DCAF11: variants seen among roughly 807,000 people sequenced by gnomAD.
DCAF11 encodes the protein DDB1- and CUL4-associated factor 11.
A neutral mutation model predicts 76.1 loss-of-function variants in DCAF11; 44 were observed. The ratio of observed to expected loss-of-function variants is 0.58; its 90% CI spans 0.45 to 0.74. The LOEUF (loss-of-function observed/expected upper bound fraction) is 0.74. Among genes scored for constraint, DCAF11 ranks in the 30% least tolerant of loss-of-function variants. The probability of loss-of-function intolerance (pLI) is 0.00; values close to 1 mark genes in which losing one functional copy is unlikely to be tolerated. For missense variants in DCAF11, 604 were observed against 709.4 expected (o/e 0.85, Z 1.69); for synonymous variants, 258 against 255.0 (o/e 1.01, Z -0.11).
chr14:24,125,172 A>G lies in DCAF11; in HGVS notation c.*1863A>G, dbSNP rs1328871131. On this transcript the variant is annotated 3_prime_UTR_variant, in exon 15 of 15. Transcript: ENST00000446197. ...GCTGCGGTGAGCCGTGATTGTGCCA[A>G]TGTACTCCAGCCTAGGTGACAGAGT... 3 of 152,172 alleles carry G rather than the reference A, an allele frequency of 2.0e-5. No individual in the cohort carries two copies. Among genetic ancestry groups the G allele is most frequent in the Admixed American group, 1.3e-4 (2 of 15,264 alleles). The allele number at this position is 152,172 out of a possible 1,614,324, so 9.4% of individuals were successfully genotyped here. A position where few individuals can be genotyped will look rare whatever the true frequency, so the allele number is the denominator to read the frequency against.
intron 13 of DCAF11, among the ~76,000 whole-genome samples, chr14:24,122,501 A>AG (rs1450858041): frequency 1.3e-5 from 2 of 151,642 alleles, no homozygotes; most frequent in South Asian, 4.2e-4. Flanking sequence ...AAAAAAAAAA[A>AG]AAAAAGAAAA....
At position 24,115,654 on chromosome 14, in the gene DCAF11, G is replaced by A. The variant is rs200354405; in HGVS notation, c.60G>A (p.Leu20=). 60 of 1,614,064 alleles carry A rather than the reference G, an allele frequency of 3.7e-5. No individual in the cohort carries two copies. The highest frequency in any genetic ancestry group is 4.7e-5 in the Non-Finnish European group (55 of 1,179,994). The change falls in exon 2 of 15, where the codon TTG becomes TTA. Residue 20 remains leucine (L), a synonymous_variant. Coordinates refer to ENST00000446197, the MANE Select transcript of DCAF11 (RefSeq NM_025230.5). The stretch of plus-strand genomic sequence containing the variant: ...GGTCCGGAGACCCCTCCGAGGGCTT[G>A]CCCCGAAGAGGGGCTGGCCTGCGTC... The part of the protein sequence containing the change: ...GSGSGDPSEG[L]PRRGAGLRRS...
chr14:24,119,317 C>A, intron 9 of DCAF11, 104 bp downstream of exon 9: 1 of 1,450,822 alleles, frequency 6.9e-7, no homozygotes, highest in South Asian at 1.2e-5. Context: ...AGAGAACAAC[C>A]AGACCTTCTC....
In DCAF11 at chr14:24,114,943, G is replaced by GGA; in HGVS notation, c.-563_-562insAG. ...CTGGCTGGTGGGTGGTCTCGCGTGGGGCGGTTACCGCCGGCTTCAGTGGGA... is the reference window on the plus strand; with the variant it reads ...CTGGCTGGTGGGTGGTCTCGCGTGGGGAGCGGTTACCGCCGGCTTCAGTGGGA... On this transcript the variant is annotated 5_prime_UTR_variant, in exon 1 of 15. Coordinates refer to ENST00000446197, the MANE Select transcript of DCAF11 (RefSeq NM_025230.5). 1.0e-6 allele frequency: 1 copy of GGA among 986,036 alleles called. No homozygotes were observed. Among genetic ancestry groups the GGA allele is most frequent in the Non-Finnish European group, 1.2e-6 (1 of 830,010 alleles). 61.1% of individuals were successfully genotyped at this position (986,036 alleles called of 1,614,324 possible). A position where few individuals can be genotyped will look rare whatever the true frequency, so the allele number is the denominator to read the frequency against.
chr14:24,117,934 G>A lies in DCAF11; in HGVS notation c.477-121G>A. 3 of 885,420 alleles carry A rather than the reference G, an allele frequency of 3.4e-6. No homozygotes were observed. The highest frequency in any genetic ancestry group is 5.3e-6 in the Non-Finnish European group (3 of 562,904). 54.8% of individuals were successfully genotyped at this position (885,420 alleles called of 1,614,324 possible). ...GGTGGAATGGTTGAAAGACGGGATTGCACTCACAGCCAAAAGGGAAGAATG... is the reference window on the plus strand; with the variant it reads ...GGTGGAATGGTTGAAAGACGGGATTACACTCACAGCCAAAAGGGAAGAATG... On this transcript the variant is annotated intron_variant, in intron 5 of 14. Transcript: ENST00000446197. The surrounding 1 kb of genome is among the most constrained non-coding windows in gnomAD (Gnocchi z 4.3).
chr14:24,118,273 C>T (rs1594336071), intron 6 of DCAF11, 115 bp from the exon 7 acceptor site: 1 of 1,580,778 alleles, frequency 6.3e-7, no homozygotes, highest in East Asian at 2.2e-5. Context: ...CTTAGCCAGA[C>T]CATGTTTCCC....
At position 24,115,266 on chromosome 14, in the gene DCAF11, C is replaced by G. The variant is rs1459383073; in HGVS notation, c.-241C>G. 9.3e-6 allele frequency: 2 copies of G among 214,374 alleles called. No individual in the cohort carries two copies. Among genetic ancestry groups the G allele is most frequent in the African/African-American group, 4.6e-5 (2 of 43,212 alleles). The allele number at this position is 214,374 out of a possible 1,614,324, so 13.3% of individuals were successfully genotyped here. ...AATCCAACACCGCCCAACACCCCTC[C>G]CGCTCCCCAGTCCGGGGACTTCGAT... On this transcript the variant is annotated 5_prime_UTR_variant, in exon 1 of 15. Coordinates refer to ENST00000446197, the MANE Select transcript of DCAF11 (RefSeq NM_025230.5).
At position 24,121,230 on chromosome 14, in the gene DCAF11, G is replaced by A; in HGVS notation, c.1247-135G>A. On this transcript the variant is annotated intron_variant, in intron 12 of 14. Coordinates refer to ENST00000446197, the MANE Select transcript of DCAF11 (RefSeq NM_025230.5). ...ATTGGAGACTGTCCACTGACTATTA[G>A]GTGGAGAAAGAGCCACCACTTGAAG... 12 of 1,252,278 alleles carry A rather than the reference G, an allele frequency of 9.6e-6. No homozygotes were observed. In the South Asian group the frequency reaches 1.6e-4, roughly 17 times the overall value. The allele number at this position is 1,252,278 out of a possible 1,614,324, so 77.6% of individuals were successfully genotyped here. A position where few individuals can be genotyped will look rare whatever the true frequency, so the allele number is the denominator to read the frequency against.
rs764505120 is a variant in DCAF11, at chr14:24,119,814, G to A, written c.1010G>A (p.Arg337Gln). ...GATGCCATCTGCAAAGTGTGGGATC[G>A]ACGCACCATGCGGGAGGATGACCCC... Reference protein sequence around the residue: ...GDDAICKVWDRRTMREDDPKP... With the variant: ...GDDAICKVWDQRTMREDDPKP... Residue 337 changes from arginine to glutamine, a missense_variant, in exon 11 of 15, where the codon CGA becomes CAA. Physicochemically the swap from Arg to Gln is conservative, Grantham distance 43. Coordinates refer to ENST00000446197, the MANE Select transcript of DCAF11 (RefSeq NM_025230.5). 10 of 1,614,038 alleles carry A rather than the reference G, an allele frequency of 6.2e-6. No homozygotes were observed. The highest frequency in any genetic ancestry group is 1.6e-4 in the Middle Eastern group (1 of 6,084).
chr14:24,115,486 C>T lies in DCAF11; in HGVS notation c.-109C>T. On this transcript the variant is annotated 5_prime_UTR_variant, in exon 2 of 15. Coordinates refer to ENST00000446197, the MANE Select transcript of DCAF11 (RefSeq NM_025230.5). The stretch of plus-strand genomic sequence containing the variant: ...TCACCCTCCTAGAGATAGCTACTAC[C>T]CCGTCTCAGGAGACCCTGGTATTTC... The T allele has an allele frequency of 2.0e-6, 3 of 1,469,902 alleles. No individual in the cohort carries two copies. Among genetic ancestry groups the T allele is most frequent in the East Asian group, 2.3e-5 (1 of 43,064 alleles). 91.1% of individuals were successfully genotyped at this position (1,469,902 alleles called of 1,614,324 possible).
intron 8 of DCAF11, 66 bp from the exon 9 acceptor site, chr14:24,119,079 C>T: frequency 1.2e-6 from 2 of 1,603,612 alleles, no homozygotes; most frequent in East Asian, 4.5e-5. Context: ...CAACCGTTGT[C>T]AGATTTTATG....
chr14:24,117,750 T>C lies in DCAF11; in HGVS notation c.476+18T>C. On this transcript the variant is annotated intron_variant, in intron 5 of 14. Transcript: ENST00000446197. The surrounding 1 kb of genome is among the most constrained non-coding windows in gnomAD (Gnocchi z 4.3). ...ATATCTCAGTGAGTATGGGGCTTGG[T>C]GAAGAGACTCTAAGGGCCAGATAGG... 1 of 1,612,756 alleles carries C rather than the reference T, an allele frequency of 6.2e-7. No homozygotes were observed. The highest frequency in any genetic ancestry group is 8.5e-7 in the Non-Finnish European group (1 of 1,179,050).
intron 11 of DCAF11, 103 bp downstream of exon 11, chr14:24,119,999 A>G: frequency 7.2e-7 from 1 of 1,386,002 alleles, no homozygotes; most frequent in Non-Finnish European, 9.6e-7. Context: ...CTCCTTATTA[A>G]CCAAGGTTTG....
rs797015281 is a variant in DCAF11 at position 24,122,864 on chromosome 14, A to G, written c.1400-107A>G. ...GTGTGGGCTTTGCTCCCATGGGAAC[A>G]TGGGAAGTTGCCTGAGAGGCAGGTC... On this transcript the variant is annotated intron_variant, in intron 13 of 14. Coordinates refer to ENST00000446197, the MANE Select transcript of DCAF11 (RefSeq NM_025230.5). 6 of 933,548 alleles carry G rather than the reference A, an allele frequency of 6.4e-6. No homozygotes were observed. The African/African-American group carries it at 8.2e-5, about 13-fold the overall frequency. 57.8% of individuals were successfully genotyped at this position (933,548 alleles called of 1,614,324 possible).
chr14:24,118,058 C>T lies in DCAF11; in HGVS notation c.480C>T (p.Phe160=), dbSNP rs780169242. ...LGEQSRVISH[F]LPNDLGFTDS... ...CACTTTCTCTCTCCTTCCCTAGCTTCTTGCCCAATGATCTGGGCTTCACTG... is the reference window on the plus strand; with the variant it reads ...CACTTTCTCTCTCCTTCCCTAGCTTTTTGCCCAATGATCTGGGCTTCACTG... The change falls in exon 6 of 15, where the codon TTC becomes TTT. Residue 160 remains phenylalanine, a synonymous_variant. Coordinates refer to ENST00000446197, the MANE Select transcript of DCAF11 (RefSeq NM_025230.5). 11 of 1,607,522 alleles carry T rather than the reference C, an allele frequency of 6.8e-6. No individual in the cohort carries two copies. The highest frequency in any genetic ancestry group is 3.4e-5 in the Admixed American group (2 of 57,994).
Position 24,117,134 on chromosome 14 carries a change from C to G in DCAF11, c.283+90C>G. 2 of 1,608,466 alleles carry G rather than the reference C, an allele frequency of 1.2e-6. No individual in the cohort carries two copies. Among genetic ancestry groups the G allele is most frequent in the South Asian group, 2.2e-5 (2 of 90,508 alleles). On this transcript the variant is annotated intron_variant, in intron 3 of 14. Coordinates refer to ENST00000446197, the MANE Select transcript of DCAF11 (RefSeq NM_025230.5). The surrounding 1 kb of genome is among the most constrained non-coding windows in gnomAD (Gnocchi z 4.3). Reference sequence around the variant, plus strand: ...TGATAGGTTACATTGAAAGAAGGTACGATAATTTAAGGAATAAGGAGTCCT... The same window carrying G: ...TGATAGGTTACATTGAAAGAAGGTAGGATAATTTAAGGAATAAGGAGTCCT...
chr14:24,121,115 G>T, intron 12 of DCAF11, 124 bp downstream of exon 12: 2 of 1,403,906 alleles, frequency 1.4e-6, no homozygotes, highest in South Asian at 2.8e-5. Flanking sequence ...GGAATGGCCA[G>T]AGGTTCCTAG....
chr14:24,118,016 T>C, intron 5 of DCAF11, 39 bp from the exon 6 acceptor site: 1 of 1,415,842 alleles, frequency 7.1e-7, no homozygotes, highest in Non-Finnish European at 9.9e-7. Context: ...CTCCTTATCC[T>C]GAGCACCCCT....
chr14:24,122,921 G>C, intron 13 of DCAF11, 50 bp from the exon 14 acceptor site: 1 of 1,559,020 alleles, frequency 6.4e-7, no homozygotes, highest in Non-Finnish European at 8.8e-7. Flanking sequence ...GTGAGGGATA[G>C]TTTAGATGTC....
Sources: allele counts gnomAD v4.1 joint callset (sites outside exome capture counted in the v4.1 genomes callset), GRCh38; gene constraint gnomAD v4.1.1; non-coding constraint Gnocchi (gnomAD v3.1); transcripts MANE v1.5; gene names NCBI Gene and HGNC (gene_info 2026-07-23, HGNC 2026-07-21).